Variants in GALR1 observed in about 807,000 individuals in gnomAD.
The protein encoded by GALR1 is galanin receptor type 1.
A neutral mutation model predicts 17.9 loss-of-function variants in GALR1; 11 were observed. The ratio of observed to expected loss-of-function variants is 0.62; its 90% CI spans 0.39 to 1.02. The LOEUF (loss-of-function observed/expected upper bound fraction) is 1.02, where lower values mean the gene tolerates loss of function less well. GALR1 is among the 50% of genes least tolerant of loss of function. The pLI, the probability that GALR1 is intolerant of heterozygous loss-of-function variation, is 0.01. For synonymous variants in GALR1, 206 were observed against 205.7 expected (o/e 1.00, Z -0.01); for missense variants, 441 against 456.9 (o/e 0.97, Z 0.32).
At chr18:77,253,132 G>T (rs1912509621) in intron 1 of GALR1, among the ~76,000 whole-genome samples, 1 of 151,556 alleles carries the variant, frequency 6.6e-6, no homozygotes, top group Non-Finnish European at 1.5e-5. Flanking sequence ...TATTAACGTG[G>T]TCTTCCGCAG....
At chr18:77,268,468 G>T (rs975707787) in intron 2 of GALR1, 117 bp from the exon 3 acceptor site, 6 of 696,808 alleles carry the variant, frequency 8.6e-6, no homozygotes, top group African/African-American at 3.6e-5. Flanking sequence ...AATTAGCTTA[G>T]GATGTATTTT....
intron 2 of GALR1, 30 bp from the exon 3 acceptor site, chr18:77,268,555 C>T: frequency 1.3e-6 from 2 of 1,551,930 alleles, no homozygotes; most frequent in East Asian, 2.3e-5. Flanking sequence ...TCCTCCTCCT[C>T]CTCCTCCTCC....
intron 2 of GALR1, among the ~76,000 whole-genome samples, chr18:77,258,897 T>C (rs1366065560): frequency 7.9e-6 from 1 of 127,110 alleles, no homozygotes; most frequent in African/African-American, 3.0e-5. Flanking sequence ...ATAGTGGTGA[T>C]GGTGGTGGGC....
At position 77,250,483 on chromosome 18, in the gene GALR1, C is replaced by T. The variant is rs1269348826; in HGVS notation, c.-66C>T. On this transcript the variant is annotated 5_prime_UTR_variant, in exon 1 of 3. Coordinates refer to ENST00000299727, the MANE Select transcript of GALR1 (RefSeq NM_001480.4). ...TTGCGCCGGGACCCCTGGCCACCCC[C>T]GGCGCCTACTATCCCGCCCTCCCTC... 6.4e-6 allele frequency: 9 copies of T among 1,399,242 alleles called. No individual in the cohort carries two copies. The highest frequency in any genetic ancestry group is 1.6e-5 in the South Asian group (1 of 63,060). The allele number at this position is 1,399,242 out of a possible 1,614,324, so 86.7% of individuals were successfully genotyped here.
Position 77,268,768 on chromosome 18 carries a change from C to A in GALR1, c.916C>A (p.Leu306Ile). ...CGTGAATCCTATCATTTATGCATTTCTCTCTGAAAATTTCAGGAAGGCCTA... is the reference window on the plus strand; with the variant it reads ...CGTGAATCCTATCATTTATGCATTTATCTCTGAAAATTTCAGGAAGGCCTA... ...SSVNPIIYAF[L>I]SENFRKAYKQ... Residue 306 changes from leucine (L) to isoleucine (I), a missense_variant, in exon 3 of 3, where the codon CTC becomes ATC. Physicochemically the swap from Leu to Ile is conservative, Grantham distance 5. Coordinates refer to ENST00000299727, the MANE Select transcript of GALR1 (RefSeq NM_001480.4). The A allele has an allele frequency of 6.2e-7, 1 of 1,614,144 alleles. No individual in the cohort carries two copies. Among genetic ancestry groups the A allele is most frequent in the Non-Finnish European group, 8.5e-7 (1 of 1,180,004 alleles).
intron 1 of GALR1, among the ~76,000 whole-genome samples, chr18:77,255,443 G>A (rs562138356): frequency 6.6e-6 from 1 of 152,292 alleles, no homozygotes; most frequent in East Asian, 1.9e-4. Flanking sequence ...AAAATGTTCT[G>A]TAAATCATCA....
chr18:77,269,140 C>A lies in GALR1; in HGVS notation c.*238C>A, dbSNP rs1913009918. 2.0e-6 allele frequency: 1 copy of A among 497,876 alleles called. No individual in the cohort carries two copies. Among genetic ancestry groups the A allele is most frequent in the Non-Finnish European group, 3.5e-6 (1 of 281,762 alleles). The allele number at this position is 497,876 out of a possible 1,614,324, so 30.8% of individuals were successfully genotyped here. ...TAAATTATGTTTCAGAAACAAAAGA[C>A]AATGCTGTACAGTTTTATTCCTCTT... On this transcript the variant is annotated 3_prime_UTR_variant, in exon 3 of 3. Transcript: ENST00000299727.
chr18:77,256,110 G>A (rs553408301), intron 1 of GALR1, 48 bp from the exon 2 acceptor site: 1 of 952,476 alleles, frequency 1.0e-6, no homozygotes, highest in Non-Finnish European at 1.7e-6. Context: ...ATAGGCAGTG[G>A]GTTATGAGAG....
intron 2 of GALR1, among the ~76,000 whole-genome samples, chr18:77,265,068 T>C (rs150156144): frequency 0.01 from 1,583 of 152,280 alleles, 9 homozygotes; most frequent in Non-Finnish European, 0.017. Flanking sequence ...ATTCCAGCAT[T>C]AACTCAACAG....
chr18:77,275,553 T>C lies in GALR1; in HGVS notation c.*6651T>C, dbSNP rs902612534. 6 of 152,226 alleles carry C rather than the reference T, an allele frequency of 3.9e-5. No homozygotes were observed. Among genetic ancestry groups the C allele is most frequent in the African/African-American group, 9.7e-5 (4 of 41,446 alleles). 9.4% of individuals were successfully genotyped at this position (152,226 alleles called of 1,614,324 possible). A position where few individuals can be genotyped will look rare whatever the true frequency, so the allele number is the denominator to read the frequency against. On this transcript the variant is annotated 3_prime_UTR_variant, in exon 3 of 3. Transcript: ENST00000299727. Reference sequence around the variant, plus strand: ...AGGTGTCTTGCTATGTGACTTGCCATTGCGGTCACTGGTTATACAAAGTCT... The same window carrying C: ...AGGTGTCTTGCTATGTGACTTGCCACTGCGGTCACTGGTTATACAAAGTCT...
intron 2 of GALR1, among the ~76,000 whole-genome samples, chr18:77,257,924 T>A (rs1912629028): frequency 6.6e-6 from 1 of 152,224 alleles, no homozygotes; most frequent in South Asian, 2.1e-4. Context: ...TGTTAATGAT[T>A]CAAAAGATTT....
intron 1 of GALR1, among the ~76,000 whole-genome samples, chr18:77,252,761 T>C (rs758333317): frequency 6.6e-6 from 1 of 151,610 alleles, no homozygotes; most frequent in Non-Finnish European, 1.5e-5. Context: ...GACAGAAGAA[T>C]TGTTTGAACC....
chr18:77,268,192 T>G (rs1468948628), intron 2 of GALR1, among the ~76,000 whole-genome samples: 1 of 152,116 alleles, frequency 6.6e-6, no homozygotes, highest in Non-Finnish European at 1.5e-5. Flanking sequence ...TCCTCCGAGA[T>G]GCATTGCTGG....
At chr18:77,260,980 T>C (rs1912817660) in intron 2 of GALR1, among the ~76,000 whole-genome samples, 1 of 141,448 alleles carries the variant, frequency 7.1e-6, no homozygotes, top group African/African-American at 2.6e-5. Flanking sequence ...TTTTTGGATG[T>C]CATTTATACA....
rs1427014503 is a variant in GALR1, at chr18:77,275,656, G to A, written c.*6754G>A. Reference sequence around the variant, plus strand: ...GGGCTAAATGTGTTGCTCTTCAGTGGAAATCTGCCCATTTTGTTGAAAAGA... The same window carrying A: ...GGGCTAAATGTGTTGCTCTTCAGTGAAAATCTGCCCATTTTGTTGAAAAGA... On this transcript the variant is annotated 3_prime_UTR_variant, in exon 3 of 3. Transcript: ENST00000299727. The A allele has an allele frequency of 6.6e-6, 1 of 152,204 alleles. No homozygotes were observed. Among genetic ancestry groups the A allele is most frequent in the Non-Finnish European group, 1.5e-5 (1 of 68,032 alleles). 9.4% of individuals were successfully genotyped at this position (152,204 alleles called of 1,614,324 possible).
rs999599444 is a variant in GALR1 at position 77,250,144 on chromosome 18, G to C, written c.-405G>C. Among the ~76,000 whole-genome samples, 12 of 152,210 alleles carry C rather than the reference G, an allele frequency of 7.9e-5. No homozygotes were observed. Among genetic ancestry groups the C allele is most frequent in the African/African-American group, 2.9e-4 (12 of 41,468 alleles). On this transcript the variant is annotated 5_prime_UTR_variant, in exon 1 of 3. Transcript: ENST00000299727. ...GCACGCAGCCCCTCCGGGAGCCAGG[G>C]AAAACCGCCGGCGAAGATCTGGAGC...
Position 77,250,518 on chromosome 18 carries a change from C to CAGCAACCAGACCTTCTGCTGGGAG in GALR1, c.-31_-30insAGCAACCAGACCTTCTGCTGGGAG. ...TATCCCGCCCTCCCTCCCCGCGCGCCCCGCCGCTCGCCGGGACAGCCCCGC... is the reference window on the plus strand; with the variant it reads ...TATCCCGCCCTCCCTCCCCGCGCGCCAGCAACCAGACCTTCTGCTGGGAGCCGCCGCTCGCCGGGACAGCCCCGC... On this transcript the variant is annotated 5_prime_UTR_variant, in exon 1 of 3. Transcript: ENST00000299727. The CAGCAACCAGACCTTCTGCTGGGAG allele has an allele frequency of 7.0e-7, 1 of 1,431,950 alleles. No individual in the cohort carries two copies. The highest frequency in any genetic ancestry group is 3.0e-5 in the Admixed American group (1 of 33,688). The allele number at this position is 1,431,950 out of a possible 1,614,324, so 88.7% of individuals were successfully genotyped here.
rs926570657 is a variant in GALR1, at chr18:77,269,609, A to G, written c.*707A>G. On this transcript the variant is annotated 3_prime_UTR_variant, in exon 3 of 3. Transcript: ENST00000299727. ...AAATTTATCCTGTGAAACTGGCTTT[A>G]TAGAGTTAACAAAACAGAGTCAGAG... 6.6e-6 allele frequency: 1 copy of G among 152,270 alleles called. No individual in the cohort carries two copies. The highest frequency in any genetic ancestry group is 1.5e-5 in the Non-Finnish European group (1 of 68,058). The allele number at this position is 152,270 out of a possible 1,614,324, so 9.4% of individuals were successfully genotyped here.
Position 77,256,486 on chromosome 18 carries a change from G to C in GALR1, c.732+263G>C, listed in dbSNP as rs115192437. On this transcript the variant is annotated intron_variant, in intron 2 of 2. Transcript: ENST00000299727. ...GAAATGCGGATTCTGCTGATTGTGC[G>C]CCTCACCAGGAGGTGAGTGCACTTA... is the stretch of plus-strand genomic sequence containing the variant. 7.1e-3 allele frequency among the ~76,000 whole-genome samples: 943 copies of C among 132,636 alleles called. 10 individuals are homozygous for C. The highest frequency in any genetic ancestry group is 0.026 in the African/African-American group (894 of 33,826). The allele number at this position is 132,636 out of a possible 152,430, so 87.0% of individuals were successfully genotyped here.
Sources: allele counts gnomAD v4.1 joint callset (sites outside exome capture counted in the v4.1 genomes callset), GRCh38; gene constraint gnomAD v4.1.1; transcripts MANE v1.5; gene names NCBI Gene and HGNC (gene_info 2026-07-23, HGNC 2026-07-21).